The following SEMA6D variants were observed in gnomAD, a reference collection of about 807,000 sequenced individuals.
SEMA6D encodes semaphorin 6D, also known as semaphorin-6D.
In SEMA6D, 35 loss-of-function variants were observed where a neutral mutation model predicts 106.6. That is an observed-to-expected ratio of 0.33 (90% CI 0.25 to 0.44). SEMA6D has a LOEUF of 0.44. Ranked by LOEUF, SEMA6D falls within the 20% of genes least tolerant of loss-of-function variation. The pLI, the probability that SEMA6D is intolerant of heterozygous loss-of-function variation, is 1.00. For missense variants in SEMA6D, 1,185 were observed against 1,345.9 expected, an observed-to-expected ratio of 0.88 and a Z score of 1.87; for synonymous variants, 499 against 487.7, an observed-to-expected ratio of 1.02 and a Z score of -0.31.
At chr15:47,216,486 T>C (rs1333999272) in intron 1 of SEMA6D, among the ~76,000 whole-genome samples, 1 of 152,184 alleles carries the variant, frequency 6.6e-6, no homozygotes, top group Non-Finnish European at 1.5e-5. Context: ...CGTATTCTTT[T>C]CCAAGCCAAT....
intron 3 of SEMA6D, among the ~76,000 whole-genome samples, chr15:47,514,704 C>A (rs1186850470): frequency 6.6e-6 from 1 of 152,182 alleles, no homozygotes; most frequent in African/African-American, 2.4e-5. Context: ...ACAGTAGTCT[C>A]CTCACTGGTC....
intron 1 of SEMA6D, among the ~76,000 whole-genome samples, chr15:47,305,435 C>T (rs939783248): frequency 6.6e-6 from 1 of 152,224 alleles, no homozygotes; most frequent in Non-Finnish European, 1.5e-5. Flanking sequence ...GCCATGATCC[C>T]TTATGGCCAT....
chr15:47,357,469 G>A (rs1233928473), intron 1 of SEMA6D, among the ~76,000 whole-genome samples: 2 of 152,198 alleles, frequency 1.3e-5, no homozygotes, highest in Non-Finnish European at 2.9e-5. Context: ...ATGCTTAAAT[G>A]TATATGGTCC....
At chr15:47,703,222 A>G (rs1245824674) in intron 4 of SEMA6D, among the ~76,000 whole-genome samples, 1 of 152,178 alleles carries the variant, frequency 6.6e-6, no homozygotes, top group African/African-American at 2.4e-5. Context: ...ATGTTACTCG[A>G]GCTAGCCCAT....
chr15:47,203,013 T>C (rs1894824127), intron 1 of SEMA6D, among the ~76,000 whole-genome samples: 1 of 152,214 alleles, frequency 6.6e-6, no homozygotes, highest in Non-Finnish European at 1.5e-5. Context: ...AATATTTATA[T>C]AATTAGATCC....
intron 1 of SEMA6D, among the ~76,000 whole-genome samples, chr15:47,185,027 C>T (rs897236467): frequency 1.3e-5 from 2 of 152,128 alleles, no homozygotes; most frequent in African/African-American, 2.4e-5. Context: ...ACCCAGAGCC[C>T]CGAAGCCCGG....
intron 3 of SEMA6D, among the ~76,000 whole-genome samples, chr15:47,560,849 A>T (rs2046058556): frequency 6.6e-6 from 1 of 152,048 alleles, no homozygotes; most frequent in Non-Finnish European, 1.5e-5. Context: ...TTATGTGATG[A>T]TGCAGAGAAG....
At chr15:47,527,556 G>GT (rs1273508080) in intron 3 of SEMA6D, 3 of 152,138 alleles carry the variant, frequency 2.0e-5, no homozygotes, top group Admixed American at 2.0e-4. Flanking sequence ...AAAATAAAGT[G>GT]TTTTACTGAG....
At position 47,460,723 on chromosome 15, in the gene SEMA6D, C is replaced by T. The variant is rs144670730; in HGVS notation, c.-158-9751C>T. On this transcript the variant is annotated intron_variant, in intron 2 of 19. Transcript: ENST00000558014. ...AAAAATTTCCTAATTTTTATTTAAA[C>T]TATAATAGAATCATCAAACTGGGTG... 1.5e-3 allele frequency among the ~76,000 whole-genome samples: 227 copies of T among 152,164 alleles called. 1 individual carries two copies. The highest frequency in any genetic ancestry group is 5.4e-3 in the African/African-American group (223 of 41,548).
At chr15:47,544,128 TACTA>T (rs2045442952) in intron 3 of SEMA6D, among the ~76,000 whole-genome samples, 1 of 152,192 alleles carries the variant, frequency 6.6e-6, no homozygotes, top group South Asian at 2.1e-4. Flanking sequence ...TTTTGATTCT[TACTA>T]AGTGGATGCA....
intron 1 of SEMA6D, among the ~76,000 whole-genome samples, chr15:47,204,126 A>T (rs917318900): frequency 6.6e-6 from 1 of 152,180 alleles, no homozygotes; most frequent in African/African-American, 2.4e-5. Context: ...ATAGGTGGCC[A>T]TTCAAGGTGA....
In SEMA6D at chr15:47,288,247, A is replaced by G. The variant is rs550968436; in HGVS notation, c.-239+103829A>G. On this transcript the variant is annotated intron_variant, in intron 1 of 19. Transcript: ENST00000558014. ...TTTCTACTGCTGAGATTCCATTTCT[A>G]TCTTGGCTTGCTGCTTGAAATATGG... 1.3e-4 allele frequency among the ~76,000 whole-genome samples: 20 copies of G among 152,144 alleles called. No individual in the cohort carries two copies. The East Asian group carries it at 2.5e-3, about 19-fold the overall frequency.
At chr15:47,653,195 C>T (rs905506940) in intron 4 of SEMA6D, among the ~76,000 whole-genome samples, 2 of 152,142 alleles carry the variant, frequency 1.3e-5, no homozygotes, top group Non-Finnish European at 2.9e-5. Flanking sequence ...GAGAAATTTT[C>T]TTAAATCAAG....
chr15:47,258,349 A>G (rs10162987), intron 1 of SEMA6D, among the ~76,000 whole-genome samples: 3,823 of 152,286 alleles, frequency 0.025, 162 homozygotes, highest in African/African-American at 0.088. Context: ...AGGTGGTTAA[A>G]ACATTATTTC....
chr15:47,442,497 C>T (rs2041911624), intron 2 of SEMA6D, among the ~76,000 whole-genome samples: 1 of 152,090 alleles, frequency 6.6e-6, no homozygotes, highest in Non-Finnish European at 1.5e-5. Context: ...AGTCATATGA[C>T]CTATACCATT....
intron 1 of SEMA6D, among the ~76,000 whole-genome samples, chr15:47,252,644 A>G (rs1376893603): frequency 2.0e-5 from 3 of 152,186 alleles, no homozygotes; most frequent in Non-Finnish European, 2.9e-5. Flanking sequence ...GAGATCATAC[A>G]ATTTTGGTCT....
At chr15:47,412,709 A>G (rs1316822133) in intron 2 of SEMA6D, among the ~76,000 whole-genome samples, 5 of 152,212 alleles carry the variant, frequency 3.3e-5, no homozygotes, top group Non-Finnish European at 7.3e-5. Context: ...TGTCTGCATC[A>G]TTGGACTAAG....
At chr15:47,670,907 CTATAAG>C (rs370478756) in intron 4 of SEMA6D, among the ~76,000 whole-genome samples, 3 of 152,168 alleles carry the variant, frequency 2.0e-5, no homozygotes, top group Non-Finnish European at 2.9e-5. Flanking sequence ...TAATTACTTT[CTATAAG>C]TATATTTCCT....
chr15:47,393,829 A>G (rs528140273), intron 1 of SEMA6D, among the ~76,000 whole-genome samples: 6 of 152,310 alleles, frequency 3.9e-5, no homozygotes, highest in African/African-American at 1.4e-4. Context: ...TGTCATTGTT[A>G]TTCATAGCTT....
Sources: allele counts gnomAD v4.1 joint callset (sites outside exome capture counted in the v4.1 genomes callset), GRCh38; gene constraint gnomAD v4.1.1; transcripts MANE v1.5; gene names NCBI Gene and HGNC (gene_info 2026-07-23, HGNC 2026-07-21).